The following PROK2 variants were observed in gnomAD, a reference collection of about 807,000 sequenced individuals.
PROK2 encodes prokineticin-2.
PROK2 carries 8 observed loss-of-function variants against 14.2 expected under a neutral mutation model. The ratio of observed to expected loss-of-function variants is 0.56; its 90% confidence interval spans 0.33 to 1.02. The LOEUF is 1.02. Ranked by LOEUF, PROK2 falls within the 50% of genes least tolerant of loss-of-function variation. The pLI is 0.03. For missense variants in PROK2, 154 were observed against 160.4 expected, an observed-to-expected ratio of 0.96 and a Z score of 0.22; for synonymous variants, 59 against 60.7, an observed-to-expected ratio of 0.97 and a Z score of 0.13.
intron 2 of PROK2, among the ~76,000 whole-genome samples, chr3:71,776,161 C>G (rs1050789974): frequency 6.6e-6 from 1 of 152,022 alleles, no homozygotes; most frequent in African/African-American, 2.4e-5. Context: ...TCAAGGACAC[C>G]AAGACTGTAT....
chr3:71,776,374 T>C (rs1358379149), intron 2 of PROK2, among the ~76,000 whole-genome samples: 2 of 134,078 alleles, frequency 1.5e-5, no homozygotes, highest in Non-Finnish European at 1.6e-5. Flanking sequence ...ATTTTTTTTT[T>C]TTTTTTTTTT....
intron 3 of PROK2, 25 bp downstream of exon 3, chr3:71,774,420 G>A: frequency 6.4e-7 from 1 of 1,551,334 alleles, no homozygotes; most frequent in African/African-American, 1.4e-5. Flanking sequence ...GTCTTTCGGT[G>A]GTACCACATT....
chr3:71,781,238 A>C (rs1333562978), intron 2 of PROK2, among the ~76,000 whole-genome samples: 1 of 152,260 alleles, frequency 6.6e-6, no homozygotes, highest in Non-Finnish European at 1.5e-5. Flanking sequence ...TGCTTCTAAC[A>C]CCATGAGAGC....
At chr3:71,774,384 A>T in intron 3 of PROK2, 61 bp downstream of exon 3, 3 of 1,551,252 alleles carry the variant, frequency 1.9e-6, no homozygotes, top group Non-Finnish European at 2.6e-6. Context: ...TAGTCCAACA[A>T]TGTAAAGGCT....
chr3:71,780,363 C>T (rs191156805), intron 2 of PROK2, among the ~76,000 whole-genome samples: 35 of 152,334 alleles, frequency 2.3e-4, no homozygotes, highest in Non-Finnish European at 4.0e-4. Context: ...ATTAACTGTT[C>T]TCTGGGACTG....
At chr3:71,775,542 G>A (rs758655165) in intron 2 of PROK2, among the ~76,000 whole-genome samples, 4 of 152,182 alleles carry the variant, frequency 2.6e-5, no homozygotes, top group Admixed American at 6.5e-5. Flanking sequence ...TGGATTGTGC[G>A]CCATGGGTCA....
chr3:71,773,444 G>A (rs1212255284), intron 3 of PROK2, among the ~76,000 whole-genome samples: 5 of 152,196 alleles, frequency 3.3e-5, no homozygotes, highest in Admixed American at 3.3e-4. Flanking sequence ...GGCTAGCAGT[G>A]AGTGGGCCCG....
rs1376580745 is a variant in PROK2, at chr3:71,772,701, A to C, written c.*23T>G. ...TTACAGGTAAGATGTGGCTATTCAC[A>C]TTTGGTTTCTACTCCAGAGCGATTA... On this transcript the variant is annotated 3_prime_UTR_variant, in exon 4 of 4. Transcript: ENST00000295619. 1 of 1,592,192 alleles carries C rather than the reference A, an allele frequency of 6.3e-7. No individual in the cohort carries two copies. Among genetic ancestry groups the C allele is most frequent in the South Asian group, 1.1e-5 (1 of 90,606 alleles).
chr3:71,784,757 G>T (rs1258353720), intron 1 of PROK2, among the ~76,000 whole-genome samples, 200 bp downstream of exon 1: 1 of 152,226 alleles, frequency 6.6e-6, no homozygotes, highest in Non-Finnish European at 1.5e-5. Flanking sequence ...CTTCCAGGAC[G>T]CGCCCAGTGT....
intron 2 of PROK2, among the ~76,000 whole-genome samples, chr3:71,776,023 C>T (rs1321294202): frequency 1.3e-5 from 2 of 152,122 alleles, no homozygotes; most frequent in African/African-American, 4.8e-5. Context: ...ACCATGAAGC[C>T]CAAGAGGCCG....
chr3:71,774,833 T>C lies in PROK2; in HGVS notation c.223-326A>G, dbSNP rs114304210. On this transcript the variant is annotated intron_variant, in intron 2 of 3. Transcript: ENST00000295619. ...GTACAGCTAGACTGGCTTAGACAGTTATAAGTGGATAGCATGAGAAGTGAT... is the reference window on the plus strand; with the variant it reads ...GTACAGCTAGACTGGCTTAGACAGTCATAAGTGGATAGCATGAGAAGTGAT... Among the ~76,000 whole-genome samples, 497 of 151,994 alleles carry C rather than the reference T, an allele frequency of 3.3e-3. 2 individuals are homozygous for C. Among genetic ancestry groups the C allele is most frequent in the Non-Finnish European group, 5.5e-3 (374 of 67,964 alleles).
intron 2 of PROK2, among the ~76,000 whole-genome samples, chr3:71,775,708 AG>A (rs2108191274): frequency 6.6e-6 from 1 of 152,310 alleles, no homozygotes; most frequent in East Asian, 1.9e-4. Flanking sequence ...ATAGTCAAAC[AG>A]GGTCCTGCTT....
In PROK2 at chr3:71,781,587, A is replaced by G; in HGVS notation, c.102T>C (p.Cys34=). 1.9e-6 allele frequency: 3 copies of G among 1,611,330 alleles called. No homozygotes were observed. Among genetic ancestry groups the G allele is most frequent in the Non-Finnish European group, 2.5e-6 (3 of 1,177,426 alleles). Residue 34 remains cysteine (C), a synonymous_variant, in exon 2 of 4, where the codon TGT becomes TGC. Transcript: ENST00000295619. ...CTCCACCACATTGGGAGTCCTTGTC[A>G]CAAGCCTGAAATGTAATAAACAAAC... ...AGDAAVITGA[C]DKDSQCGGGM...
chr3:71,775,804 T>G (rs549207463), intron 2 of PROK2, among the ~76,000 whole-genome samples: 2 of 152,342 alleles, frequency 1.3e-5, no homozygotes, highest in African/African-American at 4.8e-5. Flanking sequence ...ATTTTACTCA[T>G]GAGCATATAG....
chr3:71,772,611 A>G lies in PROK2; in HGVS notation c.*113T>C. On this transcript the variant is annotated 3_prime_UTR_variant, in exon 4 of 4. Transcript: ENST00000295619. Reference sequence around the variant, plus strand: ...TCAAAGATAAAAATGTTACTTGGAAAGTTGAGGAAGCAAGAGCATTTCTTT... The same window carrying G: ...TCAAAGATAAAAATGTTACTTGGAAGGTTGAGGAAGCAAGAGCATTTCTTT... 5 of 872,674 alleles carry G rather than the reference A, an allele frequency of 5.7e-6. No individual in the cohort carries two copies. In the South Asian group the frequency reaches 7.3e-5, roughly 13 times the overall value. 54.1% of individuals were successfully genotyped at this position (872,674 alleles called of 1,614,324 possible). A position where few individuals can be genotyped will look rare whatever the true frequency, so the allele number is the denominator to read the frequency against.
chr3:71,778,329 T>A (rs1226350390), intron 2 of PROK2, among the ~76,000 whole-genome samples: 1 of 152,194 alleles, frequency 6.6e-6, no homozygotes, highest in Non-Finnish European at 1.5e-5. Context: ...TGAACTCATA[T>A]ATCTCACATA....
chr3:71,783,582 T>C lies in PROK2; in HGVS notation c.96+1375A>G, dbSNP rs144376221. Among the ~76,000 whole-genome samples, 500 of 152,310 alleles carry C rather than the reference T, an allele frequency of 3.3e-3. 2 individuals are homozygous for C. The highest frequency in any genetic ancestry group is 5.5e-3 in the Non-Finnish European group (376 of 68,006). On this transcript the variant is annotated intron_variant, in intron 1 of 3. Coordinates refer to ENST00000295619, the MANE Select transcript of PROK2 (RefSeq NM_001126128.2). The stretch of plus-strand genomic sequence containing the variant: ...CCTAATGCCCTTCATCCTTAACCCA[T>C]TGCAAATCTATTCAGATAGTGTTGT...
intron 2 of PROK2, among the ~76,000 whole-genome samples, chr3:71,777,311 A>G (rs1375861687): frequency 1.3e-5 from 2 of 152,214 alleles, no homozygotes; most frequent in African/African-American, 4.8e-5. Context: ...TGAGAAAATC[A>G]GCATATTATG....
intron 2 of PROK2, 139 bp downstream of exon 2, chr3:71,781,328 A>C (rs2050158678): frequency 6.9e-6 from 7 of 1,011,714 alleles, no homozygotes; most frequent in Non-Finnish European, 1.1e-5. Context: ...GAGAGGGGGT[A>C]GTTTTACACT....
Sources: gnomAD v4.1 joint callset for allele counts (sites outside exome capture counted in the v4.1 genomes callset) on GRCh38, gnomAD v4.1.1 for gene constraint, MANE v1.5 for transcripts, NCBI Gene and HGNC (gene_info 2026-07-23, HGNC 2026-07-21) for gene names.